Variants in IFT80 observed in about 807,000 individuals in gnomAD.
IFT80 encodes intraflagellar transport 80.
In IFT80, 79 loss-of-function variants were observed where a neutral mutation model predicts 107.9. The ratio of observed to expected loss-of-function variants is 0.73; its 90% CI spans 0.61 to 0.88. The LOEUF is 0.88. Among genes scored for constraint, IFT80 ranks in the 40% least tolerant of loss-of-function variants. IFT80 has a pLI of 0.00. For synonymous variants in IFT80, 299 were observed against 300.9 expected, an observed-to-expected ratio of 0.99 and a Z score of 0.07; for missense variants, 797 against 914.2, an observed-to-expected ratio of 0.87 and a Z score of 1.65.
rs115849906 is a variant in IFT80, at chr3:160,268,393, C to A, written c.2223+20G>T. On this transcript the variant is annotated intron_variant, in intron 19 of 19. Transcript: ENST00000326448. ...CTTATAAAGCATATGTATTATTATA[C>A]AAAATTGTGAAATACTTACACCTTC... 6.3e-7 allele frequency: 1 copy of A among 1,597,112 alleles called. No homozygotes were observed. The highest frequency in any genetic ancestry group is 2.2e-5 in the East Asian group (1 of 44,584).
At chr3:160,357,694 C>T in intron 6 of IFT80, 116 bp from the exon 7 acceptor site, 1 of 658,394 alleles carries the variant, frequency 1.5e-6, no homozygotes, top group Non-Finnish European at 2.7e-6. Flanking sequence ...CTCAGGGATT[C>T]CTATCTTCCT....
chr3:160,262,073 T>C (rs1712888843), intron 19 of IFT80, among the ~76,000 whole-genome samples: 1 of 152,132 alleles, frequency 6.6e-6, no homozygotes. Flanking sequence ...AGAAGAAATA[T>C]AATTTCTCCT....
At chr3:160,352,443 G>A (rs1001082931) in intron 8 of IFT80, among the ~76,000 whole-genome samples, 1 of 151,984 alleles carries the variant, frequency 6.6e-6, no homozygotes, top group African/African-American at 2.4e-5. Flanking sequence ...CCAAATTCAA[G>A]GTATTTTTTC....
intron 5 of IFT80, among the ~76,000 whole-genome samples, chr3:160,368,198 T>C (rs1257987045): frequency 6.6e-6 from 1 of 151,856 alleles, no homozygotes; most frequent in African/African-American, 2.4e-5. Flanking sequence ...ATATAATCAA[T>C]AAATCAATGT....
chr3:160,277,175 G>A (rs1015801056), intron 18 of IFT80, 131 bp downstream of exon 18: 8 of 790,372 alleles, frequency 1.0e-5, no homozygotes, highest in Admixed American at 5.8e-5. Context: ...TCACAAATAT[G>A]AATATGAATA....
chr3:160,305,180 A>C (rs1484753665), intron 10 of IFT80, among the ~76,000 whole-genome samples: 1 of 152,194 alleles, frequency 6.6e-6, no homozygotes, highest in African/African-American at 2.4e-5. Context: ...TGAATTTCTC[A>C]GTAATTTTCA....
chr3:160,356,174 C>A (rs745490816), intron 7 of IFT80, 24 bp from the exon 8 acceptor site: 7 of 1,605,292 alleles, frequency 4.4e-6, no homozygotes, highest in Middle Eastern at 1.7e-4. Context: ...TTTTAAAAAT[C>A]TTTTATAATA....
intron 19 of IFT80, among the ~76,000 whole-genome samples, chr3:160,261,326 T>C (rs1712806382): frequency 6.6e-6 from 1 of 151,866 alleles, no homozygotes; most frequent in African/African-American, 2.4e-5. Context: ...TAGTGCTTAG[T>C]ATATATCAAG....
intron 8 of IFT80, among the ~76,000 whole-genome samples, chr3:160,327,564 C>T (rs1186500721): frequency 6.6e-6 from 1 of 152,082 alleles, no homozygotes; most frequent in Admixed American, 6.6e-5. Context: ...CCTGACAAAA[C>T]AAGCAATGAG....
intron 8 of IFT80, among the ~76,000 whole-genome samples, chr3:160,355,653 A>T (rs997705431): frequency 1.3e-5 from 2 of 152,232 alleles, no homozygotes; most frequent in South Asian, 2.1e-4. Flanking sequence ...CAGCAAAAAA[A>T]AAATAAAAGT....
At chr3:160,274,146 C>A (rs1323851688) in intron 18 of IFT80, among the ~76,000 whole-genome samples, 5 of 152,002 alleles carry the variant, frequency 3.3e-5, no homozygotes, top group Admixed American at 1.3e-4. Flanking sequence ...TGATATAAGC[C>A]TTAAAGGACT....
In IFT80 at chr3:160,361,617, T is replaced by C. The variant is rs146266164; in HGVS notation, c.550-4039A>G. Among the ~76,000 whole-genome samples, 390 of 152,278 alleles carry C rather than the reference T, an allele frequency of 2.6e-3. 4 individuals carry two copies. The highest frequency in any genetic ancestry group is 8.7e-3 in the African/African-American group (362 of 41,562). ...CACACTTATTCCAAAATTGACCGCA[T>C]AGCAGGAAGTAAAGCACTCCTCAGC... On this transcript the variant is annotated intron_variant, in intron 6 of 19. Transcript: ENST00000326448.
intron 8 of IFT80, among the ~76,000 whole-genome samples, chr3:160,349,189 T>A (rs897353334): frequency 6.6e-6 from 1 of 152,164 alleles, no homozygotes; most frequent in Non-Finnish European, 1.5e-5. Flanking sequence ...TGGCTCACCC[T>A]ATAATCCCAG....
chr3:160,376,774 G>A (rs1712057035), intron 4 of IFT80, among the ~76,000 whole-genome samples: 1 of 152,196 alleles, frequency 6.6e-6, no homozygotes, highest in Non-Finnish European at 1.5e-5. Flanking sequence ...CTATGGAGAT[G>A]CCCATGTGGC....
At chr3:160,323,377 T>C (rs1389477580) in intron 8 of IFT80, among the ~76,000 whole-genome samples, 3 of 151,340 alleles carry the variant, frequency 2.0e-5, no homozygotes, top group Non-Finnish European at 2.9e-5. Flanking sequence ...GAGGGCTCTG[T>C]TCTGTTCCAT....
intron 3 of IFT80, among the ~76,000 whole-genome samples, chr3:160,378,713 C>A (rs1478292825): frequency 6.6e-6 from 1 of 150,818 alleles, no homozygotes; most frequent in Non-Finnish European, 1.5e-5. Context: ...GCACTTTTAA[C>A]ATCAAAATTT....
intron 8 of IFT80, among the ~76,000 whole-genome samples, chr3:160,327,724 C>T (rs1718772172): frequency 6.6e-6 from 1 of 152,104 alleles, no homozygotes; most frequent in African/African-American, 2.4e-5. Context: ...AAACACAAAA[C>T]TATAAATACC....
chr3:160,323,907 G>C (rs2108305244), intron 8 of IFT80, among the ~76,000 whole-genome samples: 1 of 152,038 alleles, frequency 6.6e-6, no homozygotes, highest in African/African-American at 2.4e-5. Context: ...AAAAAAGAGA[G>C]AAGAATCAAA....
intron 8 of IFT80, among the ~76,000 whole-genome samples, chr3:160,343,303 T>A (rs1720053442): frequency 6.6e-6 from 1 of 152,044 alleles, no homozygotes. Context: ...ACAGAGAAAA[T>A]GAGAATCACA....
Sources: allele counts gnomAD v4.1 joint callset (sites outside exome capture counted in the v4.1 genomes callset), GRCh38; gene constraint gnomAD v4.1.1; transcripts MANE v1.5; gene names NCBI Gene and HGNC (gene_info 2026-07-23, HGNC 2026-07-21).